NFIB: variants seen among roughly 807,000 people sequenced by gnomAD.
The protein encoded by NFIB is nuclear factor 1 B-type.
Under a neutral mutation model 61.5 loss-of-function variants are expected in NFIB, and 11 were observed. That is an observed-to-expected ratio of 0.18 (90% CI 0.11 to 0.30). The LOEUF (loss-of-function observed/expected upper bound fraction) is 0.30. Ranked by LOEUF, NFIB falls within the 10% of genes least tolerant of loss-of-function variation. The pLI is 1.00. For missense variants in NFIB, 471 were observed against 608.9 expected (o/e 0.77, Z 2.38); for synonymous variants, 260 against 216.5 (o/e 1.20, Z -1.76).
At chr9:14,440,952 AT>A in the NFIB span, among the ~76,000 whole-genome samples, 1 of 152,098 alleles carries the variant, frequency 6.6e-6, no homozygotes, top group African/African-American at 2.4e-5. Flanking sequence ...TACAACTGCA[AT>A]TTTTCTTACT....
chr9:14,222,065 A>G (rs957251302), intron 2 of NFIB, among the ~76,000 whole-genome samples: 4 of 152,094 alleles, frequency 2.6e-5, no homozygotes, highest in Non-Finnish European at 4.4e-5. Flanking sequence ...CCTCTTTTTG[A>G]TCCTTGGATC....
chr9:14,300,187 A>ACG, intron 2 of NFIB: 1 of 398,508 alleles, frequency 2.5e-6, no homozygotes, highest in East Asian at 3.6e-5. Context: ...ACAACATACC[A>ACG]CGTTGCCACA....
rs567364175 is a variant in NFIB at position 14,313,118 on chromosome 9, C to T, written c.30+364G>A. On this transcript the variant is annotated intron_variant, in intron 1 of 10. Coordinates refer to ENST00000380953, the MANE Select transcript of NFIB (RefSeq NM_001190737.2). This position sits in a 1 kb window ranked among gnomAD's most constrained non-coding sequence, Gnocchi z 4.5. ...TCCAAAGCCCGAGTCCACCTCAACG[C>T]GCGAGCTGCTGAGAGGGGCTACGGG... 1.4e-3 allele frequency among the ~76,000 whole-genome samples: 219 copies of T among 152,312 alleles called. 1 individual carries two copies. The highest frequency in any genetic ancestry group is 2.3e-3 in the African/African-American group (94 of 41,582).
chr9:14,106,990 G>A lies in NFIB; in HGVS notation c.1467+6009C>T, dbSNP rs183933522. Among the ~76,000 whole-genome samples, 350 of 151,580 alleles carry A rather than the reference G, an allele frequency of 2.3e-3. 3 individuals are homozygous for A. The highest frequency in any genetic ancestry group is 7.8e-3 in the African/African-American group (324 of 41,360). ...CCTTCTCACTTTTTTTTCTTTTTACGTTTACAATGGCCCTCAGGAGAACAT... is the reference window on the plus strand; with the variant it reads ...CCTTCTCACTTTTTTTTCTTTTTACATTTACAATGGCCCTCAGGAGAACAT... On this transcript the variant is annotated intron_variant, in intron 10 of 10. Transcript: ENST00000380953.
chr9:14,231,850 T>G (rs1587800166), intron 2 of NFIB, among the ~76,000 whole-genome samples: 2 of 152,302 alleles, frequency 1.3e-5, no homozygotes, highest in East Asian at 3.9e-4. Flanking sequence ...AAACCCTTTT[T>G]GTTGGAGTCT....
At chr9:14,226,969 G>T (rs760655469) in intron 2 of NFIB, among the ~76,000 whole-genome samples, 2 of 141,436 alleles carry the variant, frequency 1.4e-5, no homozygotes, top group African/African-American at 2.7e-5. Context: ...GTGAAACTCC[G>T]TCTCTAATAA....
chr9:14,302,317 T>C (rs1267117637), intron 2 of NFIB, among the ~76,000 whole-genome samples: 2 of 152,198 alleles, frequency 1.3e-5, no homozygotes, highest in Admixed American at 6.5e-5. Context: ...ACTAATGATA[T>C]GTGACAACCA....
the NFIB span, among the ~76,000 whole-genome samples, chr9:14,496,676 C>T: frequency 6.6e-6 from 1 of 152,170 alleles, no homozygotes; most frequent in South Asian, 2.1e-4. Flanking sequence ...GAGGTACCCA[C>T]ACAGTTCCTA....
Position 14,120,979 on chromosome 9 carries a change from T to C in NFIB, c.1061-355A>G, listed in dbSNP as rs1314820077. ...ACATATTCTTTGATTATAAAATCTT[T>C]AGGCCGGGTGCAGTAGCTCACACCT... On this transcript the variant is annotated intron_variant, in intron 7 of 10. Coordinates refer to ENST00000380953, the MANE Select transcript of NFIB (RefSeq NM_001190737.2). The surrounding 1 kb of genome is among the most constrained non-coding windows in gnomAD (Gnocchi z 4.4). 6.6e-6 allele frequency among the ~76,000 whole-genome samples: 1 copy of C among 152,220 alleles called. No homozygotes were observed. Among genetic ancestry groups the C allele is most frequent in the Non-Finnish European group, 1.5e-5 (1 of 68,042 alleles).
At chr9:14,204,659 G>T in intron 2 of NFIB, 2 of 651,000 alleles carry the variant, frequency 3.1e-6, no homozygotes, top group Admixed American at 2.4e-5. Context: ...CCTTCAAGCA[G>T]GAGTTAACAC....
At position 14,113,052 on chromosome 9, in the gene NFIB, T is replaced by G; in HGVS notation, c.1414A>C (p.Asn472His). 1 of 1,550,222 alleles carries G rather than the reference T, an allele frequency of 6.5e-7. No homozygotes were observed. The highest frequency in any genetic ancestry group is 8.7e-7 in the Non-Finnish European group (1 of 1,146,784). Residue 472 changes from asparagine to histidine, a missense_variant, in exon 10 of 11, where the codon AAT (asparagine) becomes CAT (histidine). This residue lies in a region of NFIB where 372 missense variants were observed against 395.6 expected (regional missense o/e 0.94). Transcript: ENST00000380953. The part of the protein sequence containing the change: ...AYTASGTSQA[N>H]RYVGLSPRDP... ...CTTGGGCTTAGTCCCACATATCGAT[T>G]GGCTTGAGATGTGCCTGAGGCTGTG... is the stretch of plus-strand genomic sequence containing the variant.
At chr9:14,256,962 C>G (rs1278206730) in intron 2 of NFIB, among the ~76,000 whole-genome samples, 1 of 152,182 alleles carries the variant, frequency 6.6e-6, no homozygotes, top group Non-Finnish European at 1.5e-5. Context: ...TAGAACTAAG[C>G]AGAGGTGAGA....
intron 2 of NFIB, among the ~76,000 whole-genome samples, chr9:14,182,495 G>A (rs141786347): frequency 1.2e-3 from 185 of 152,188 alleles, no homozygotes; most frequent in African/African-American, 4.2e-3. Context: ...TCCAACTGCT[G>A]GAAAAGGAAG....
At chr9:14,501,109 G>T in the NFIB span, among the ~76,000 whole-genome samples, 1 of 152,172 alleles carries the variant, frequency 6.6e-6, no homozygotes, top group Non-Finnish European at 1.5e-5. Flanking sequence ...AAAGCTTACA[G>T]ATTTTTCTGG....
intron 2 of NFIB, among the ~76,000 whole-genome samples, chr9:14,282,467 T>C (rs1254540201): frequency 6.6e-6 from 1 of 152,214 alleles, no homozygotes; most frequent in Non-Finnish European, 1.5e-5. Flanking sequence ...AATGTTATAT[T>C]ACACATGGTG....
intron 10 of NFIB, among the ~76,000 whole-genome samples, chr9:14,090,199 C>CA (rs2033653972): frequency 6.6e-6 from 1 of 152,060 alleles, no homozygotes; most frequent in African/African-American, 2.4e-5. Flanking sequence ...TTAGCATTAA[C>CA]AAAAATTGAT....
rs777077691 is a variant in NFIB, at chr9:14,084,880, G to A, written c.*3429C>T. Reference sequence around the variant, plus strand: ...AAAAAATTGATTTGAAATAAAAAAAGCAACACTTGAACTAGGCCTTTGTAT... The same window carrying A: ...AAAAAATTGATTTGAAATAAAAAAAACAACACTTGAACTAGGCCTTTGTAT... On this transcript the variant is annotated 3_prime_UTR_variant, in exon 11 of 11. Transcript: ENST00000380953. The A allele has an allele frequency of 4.3e-6, 1 of 230,106 alleles. No homozygotes were observed. The highest frequency in any genetic ancestry group is 6.2e-5 in the East Asian group (1 of 16,074). 14.3% of individuals were successfully genotyped at this position (230,106 alleles called of 1,614,324 possible).
intron 2 of NFIB, among the ~76,000 whole-genome samples, chr9:14,183,643 G>C (rs967408852): frequency 6.6e-6 from 1 of 151,928 alleles, no homozygotes; most frequent in Admixed American, 6.6e-5. Flanking sequence ...GGCCTGAAGC[G>C]ATCCGCCTAC....
At chr9:14,514,344 A>ACACG in the NFIB span, among the ~76,000 whole-genome samples, 105 of 151,960 alleles carry the variant, frequency 6.9e-4, no homozygotes, top group African/African-American at 2.5e-3. Flanking sequence ...ACACACACAC[A>ACACG]CACGCATCCA....
Sources: gnomAD v4.1 joint callset for allele counts (sites outside exome capture counted in the v4.1 genomes callset) on GRCh38, gnomAD v4.1.1 for gene constraint, gnomAD v4.1.1 regional missense constraint, Gnocchi (gnomAD v3.1) non-coding constraint, MANE v1.5 for transcripts, NCBI Gene and HGNC (gene_info 2026-07-23, HGNC 2026-07-21) for gene names.